AKAP7: variants seen among roughly 807,000 people sequenced by gnomAD.
The protein encoded by AKAP7 is A-kinase anchoring protein 7.
In AKAP7, 39 loss-of-function variants were observed where a neutral mutation model predicts 39.5. The observed-to-expected ratio is 0.99, with a 90% CI of 0.76 to 1.29. The LOEUF (loss-of-function observed/expected upper bound fraction) is 1.29. Ranked by LOEUF, AKAP7 falls within the 50% of genes most tolerant of loss-of-function variation. AKAP7 has a pLI of 0.00. For missense variants in AKAP7, 414 were observed against 407.7 expected, an observed-to-expected ratio of 1.02 and a Z score of -0.13; for synonymous variants, 140 against 139.1, an observed-to-expected ratio of 1.01 and a Z score of -0.05.
chr6:131,262,752 T>C (rs573970116), intron 7 of AKAP7, among the ~76,000 whole-genome samples: 2 of 152,204 alleles, frequency 1.3e-5, no homozygotes, highest in Non-Finnish European at 2.9e-5. Context: ...TTTTGAACAT[T>C]CTTTAAAAAT....
intron 5 of AKAP7, among the ~76,000 whole-genome samples, chr6:131,169,982 C>T (rs1803874850): frequency 6.6e-6 from 1 of 151,524 alleles, no homozygotes; most frequent in Non-Finnish European, 1.5e-5. Flanking sequence ...TTTCTCTGCC[C>T]CCTCTTTCCT....
chr6:131,224,728 C>G (rs1271536813), intron 7 of AKAP7, among the ~76,000 whole-genome samples: 1 of 107,980 alleles, frequency 9.3e-6, no homozygotes, highest in Non-Finnish European at 1.8e-5. Context: ...CCAGTTGATT[C>G]ACTTTTTTTT....
chr6:131,230,888 ATCT>A lies in AKAP7; in HGVS notation c.850+11082_850+11084del, dbSNP rs923078909. Among the ~76,000 whole-genome samples, 8 of 152,180 alleles carry A rather than the reference ATCT, an allele frequency of 5.3e-5. 1 individual carries two copies. Among genetic ancestry groups the A allele is most frequent in the Admixed American group, 5.2e-4 (8 of 15,270 alleles). On this transcript the variant is annotated intron_variant, in intron 7 of 7. Coordinates refer to ENST00000431975, the MANE Select transcript of AKAP7 (RefSeq NM_016377.4). ...ATAGTATCAAAGAATATCCACAATTATCTTAATTTAGTAAATGTTTATGAATAT... is the reference window on the plus strand; with the variant it reads ...ATAGTATCAAAGAATATCCACAATTATAATTTAGTAAATGTTTATGAATAT...
intron 6 of AKAP7, among the ~76,000 whole-genome samples, chr6:131,205,054 G>T (rs976915670): frequency 6.6e-6 from 1 of 152,090 alleles, no homozygotes; most frequent in African/African-American, 2.4e-5. Context: ...GGTAAAAAGG[G>T]GTGTGCTGTG....
chr6:131,238,195 T>C (rs1324116777), intron 7 of AKAP7, among the ~76,000 whole-genome samples: 1 of 152,236 alleles, frequency 6.6e-6, no homozygotes, highest in Non-Finnish European at 1.5e-5. Context: ...GGTTGTTCAG[T>C]TTCCATGTGG....
intron 6 of AKAP7, chr6:131,199,964 G>C (rs1006373558): frequency 2.5e-5 from 5 of 202,818 alleles, no homozygotes; most frequent in South Asian, 2.2e-4. Context: ...GCTGCTCACC[G>C]CAACTGGGTA....
At position 131,245,907 on chromosome 6, in the gene AKAP7, T is replaced by C. The variant is rs542413761; in HGVS notation, c.850+26099T>C. 4.6e-5 allele frequency among the ~76,000 whole-genome samples: 7 copies of C among 152,226 alleles called. No homozygotes were observed. The East Asian group carries it at 1.3e-3, about 29-fold the overall frequency. ...ATATTTACCATGTTTTTCCTTCTCA[T>C]GTGTCTCTGCAAGTTGTCAGACTCA... On this transcript the variant is annotated intron_variant, in intron 7 of 7. Coordinates refer to ENST00000431975, the MANE Select transcript of AKAP7 (RefSeq NM_016377.4).
chr6:131,261,765 C>T (rs1042265363), intron 7 of AKAP7, among the ~76,000 whole-genome samples: 18 of 152,022 alleles, frequency 1.2e-4, no homozygotes, highest in Non-Finnish European at 2.1e-4. Flanking sequence ...TGTCTTAGTC[C>T]GCTGTAAATA....
chr6:131,138,437 A>G (rs1800762468), intron 1 of AKAP7, among the ~76,000 whole-genome samples: 1 of 152,166 alleles, frequency 6.6e-6, no homozygotes, highest in South Asian at 2.1e-4. Flanking sequence ...TAGGCATTTA[A>G]GTTTTGTTCC....
intron 5 of AKAP7, among the ~76,000 whole-genome samples, chr6:131,178,658 A>G (rs181970426): frequency 2.0e-5 from 3 of 152,268 alleles, no homozygotes; most frequent in East Asian, 3.9e-4. Flanking sequence ...TCAAGGCAGC[A>G]TGGATGTATT....
intron 2 of AKAP7, among the ~76,000 whole-genome samples, chr6:131,145,937 A>G (rs1801450270): frequency 6.6e-6 from 1 of 152,184 alleles, no homozygotes; most frequent in African/African-American, 2.4e-5. Flanking sequence ...AATATCTGTG[A>G]TAAAATAATC....
Position 131,261,754 on chromosome 6 carries a change from A to C in AKAP7, c.851-19776A>C, listed in dbSNP as rs549685547. ...TTTGTACCCTTTGCCTCTGTCGTTC[A>C]TGTCTTAGTCCGCTGTAAATAAAAC... On this transcript the variant is annotated intron_variant, in intron 7 of 7. Coordinates refer to ENST00000431975, the MANE Select transcript of AKAP7 (RefSeq NM_016377.4). Among the ~76,000 whole-genome samples the C allele has an allele frequency of 2.0e-5, 3 of 152,300 alleles. No individual in the cohort carries two copies. The East Asian group carries it at 5.8e-4, about 29-fold the overall frequency.
chr6:131,191,874 A>G (rs1806442232), intron 5 of AKAP7, among the ~76,000 whole-genome samples: 1 of 144,472 alleles, frequency 6.9e-6, no homozygotes, highest in South Asian at 2.2e-4. Context: ...AGACTTGGTC[A>G]ACTCTGTCAC....
intron 7 of AKAP7, among the ~76,000 whole-genome samples, chr6:131,254,623 G>A (rs992418717): frequency 6.6e-6 from 1 of 152,208 alleles, no homozygotes; most frequent in Admixed American, 6.5e-5. Context: ...TCATGAGTTA[G>A]TCTCTTGTCA....
intron 7 of AKAP7, among the ~76,000 whole-genome samples, chr6:131,229,473 C>T (rs1810463187): frequency 6.6e-6 from 1 of 152,110 alleles, no homozygotes; most frequent in Non-Finnish European, 1.5e-5. Context: ...CTCAGCCTCC[C>T]AAGTAGTTGG....
chr6:131,208,308 A>T (rs1808322161), intron 6 of AKAP7, among the ~76,000 whole-genome samples: 1 of 152,222 alleles, frequency 6.6e-6, no homozygotes, highest in South Asian at 2.1e-4. Flanking sequence ...ACAAAGGTAA[A>T]CCTGCTTAAC....
At chr6:131,153,304 C>T (rs1300505210) in intron 2 of AKAP7, among the ~76,000 whole-genome samples, 1 of 152,152 alleles carries the variant, frequency 6.6e-6, no homozygotes, top group Non-Finnish European at 1.5e-5. Context: ...TTTAAAACTA[C>T]ACACTGTCTG....
chr6:131,195,949 G>GT (rs1303037007), intron 5 of AKAP7, among the ~76,000 whole-genome samples: 1 of 152,060 alleles, frequency 6.6e-6, no homozygotes, highest in African/African-American at 2.4e-5. Context: ...TCTGCATGGT[G>GT]TTCTATAACC....
chr6:131,252,558 A>ATAG (rs1413569669), intron 7 of AKAP7, among the ~76,000 whole-genome samples: 1 of 152,200 alleles, frequency 6.6e-6, no homozygotes, highest in Non-Finnish European at 1.5e-5. Context: ...TGGTCTAAAG[A>ATAG]TAGGCTTCTG....
Sources: gnomAD v4.1 joint callset for allele counts (sites outside exome capture counted in the v4.1 genomes callset) on GRCh38, gnomAD v4.1.1 for gene constraint, MANE v1.5 for transcripts, NCBI Gene and HGNC (gene_info 2026-07-23, HGNC 2026-07-21) for gene names.